EPHB1: variants seen among roughly 807,000 people sequenced by gnomAD.
EPHB1 encodes EPH receptor B1.
A neutral mutation model predicts 94.4 loss-of-function variants in EPHB1; 30 were observed. The observed-to-expected ratio is 0.32, with a 90% CI of 0.24 to 0.43. The LOEUF (loss-of-function observed/expected upper bound fraction) is 0.43. Ranked by LOEUF, EPHB1 falls within the 20% of genes least tolerant of loss-of-function variation. The pLI, the probability that EPHB1 is intolerant of heterozygous loss-of-function variation, is 1.00. For synonymous variants in EPHB1, 522 were observed against 489.1 expected (o/e 1.07, Z -0.89); for missense variants, 1,055 against 1,308.3 (o/e 0.81, Z 2.99).
intron 3 of EPHB1, among the ~76,000 whole-genome samples, chr3:134,968,920 A>G (rs566211782): frequency 1.3e-5 from 2 of 152,336 alleles, no homozygotes; most frequent in South Asian, 2.1e-4. Flanking sequence ...GTAGTATTTC[A>G]TTGTATGGAT....
chr3:134,803,175 T>C (rs967502607), intron 1 of EPHB1, among the ~76,000 whole-genome samples: 4 of 152,200 alleles, frequency 2.6e-5, no homozygotes, highest in African/African-American at 9.7e-5. Context: ...CCAGGACTCA[T>C]TTCTGCCCAC....
Position 135,087,586 on chromosome 3 carries a change from G to A in EPHB1, c.806-18862G>A, listed in dbSNP as rs536996009. Among the ~76,000 whole-genome samples, 20 of 152,284 alleles carry A rather than the reference G, an allele frequency of 1.3e-4. 1 individual carries two copies. In the South Asian group the frequency reaches 3.9e-3, roughly 30 times the overall value. On this transcript the variant is annotated intron_variant, in intron 3 of 15. Transcript: ENST00000398015. ...GCATCTGTCCCTAACATCCCATCCTGAAGTTATATGGGAAGTGGGCATAAG... is the reference window on the plus strand; with the variant it reads ...GCATCTGTCCCTAACATCCCATCCTAAAGTTATATGGGAAGTGGGCATAAG...
Position 135,106,431 on chromosome 3 carries a change from G to T in EPHB1, c.806-17G>T. Reference sequence around the variant, plus strand: ...CCACACTTCCATTAATTATCACATGGTCTCTTTGTGTTCTAGCTTGCCCTG... The same window carrying T: ...CCACACTTCCATTAATTATCACATGTTCTCTTTGTGTTCTAGCTTGCCCTG... On this transcript the variant is annotated splice_polypyrimidine_tract_variant and intron_variant, in intron 3 of 15. Transcript: ENST00000398015. 3.7e-6 allele frequency: 6 copies of T among 1,613,724 alleles called. No homozygotes were observed. The highest frequency in any genetic ancestry group is 5.1e-6 in the Non-Finnish European group (6 of 1,179,690).
At chr3:134,889,676 T>C (rs561727092) in intron 1 of EPHB1, among the ~76,000 whole-genome samples, 1 of 152,114 alleles carries the variant, frequency 6.6e-6, no homozygotes, top group Admixed American at 6.5e-5. Context: ...TGCCTATTTA[T>C]TCATTTATTT....
intron 3 of EPHB1, among the ~76,000 whole-genome samples, chr3:135,010,558 G>GTTTTTTT (rs58579496): frequency 1.8e-5 from 2 of 110,398 alleles, no homozygotes; most frequent in African/African-American, 6.6e-5. Context: ...ATTTTTTTCT[G>GTTTTTTT]TTTTTTTTTT....
At chr3:134,850,773 C>A (rs1460810402) in intron 1 of EPHB1, among the ~76,000 whole-genome samples, 1 of 152,258 alleles carries the variant, frequency 6.6e-6, no homozygotes, top group Non-Finnish European at 1.5e-5. Flanking sequence ...CCTGTCATTA[C>A]CCGCTTCACT....
intron 1 of EPHB1, among the ~76,000 whole-genome samples, chr3:134,850,574 G>T (rs1485171634): frequency 6.6e-6 from 1 of 152,256 alleles, no homozygotes; most frequent in Non-Finnish European, 1.5e-5. Flanking sequence ...GGATGGGGAA[G>T]TGTGGGGCAG....
intron 3 of EPHB1, among the ~76,000 whole-genome samples, chr3:135,000,241 A>G (rs1007080994): frequency 2.6e-5 from 4 of 152,262 alleles, no homozygotes; most frequent in Admixed American, 6.5e-5. Context: ...TCTTAATTAG[A>G]GAATTAATCA....
At chr3:135,168,082 G>T (rs1437561322) in intron 9 of EPHB1, among the ~76,000 whole-genome samples, 1 of 152,202 alleles carries the variant, frequency 6.6e-6, no homozygotes, top group Non-Finnish European at 1.5e-5. Flanking sequence ...CACCATGAAG[G>T]AGCTTGTGTT....
At chr3:134,927,948 T>C (rs1024716064) in intron 2 of EPHB1, among the ~76,000 whole-genome samples, 5 of 152,244 alleles carry the variant, frequency 3.3e-5, no homozygotes, top group African/African-American at 1.2e-4. Context: ...TCAAGGACTA[T>C]GCTTCCATCC....
intron 10 of EPHB1, among the ~76,000 whole-genome samples, chr3:135,182,449 C>T (rs1942181476): frequency 6.6e-6 from 1 of 152,140 alleles, no homozygotes; most frequent in Non-Finnish European, 1.5e-5. Flanking sequence ...CTGAATACTT[C>T]TTATATGCTG....
intron 2 of EPHB1, among the ~76,000 whole-genome samples, chr3:134,950,108 A>T (rs947607383): frequency 2.0e-5 from 3 of 152,158 alleles, no homozygotes; most frequent in African/African-American, 4.8e-5. Context: ...TTCATCTGTA[A>T]ATTGGGGATA....
At chr3:134,855,094 T>C (rs2037083570) in intron 1 of EPHB1, among the ~76,000 whole-genome samples, 1 of 152,220 alleles carries the variant, frequency 6.6e-6, no homozygotes, top group Admixed American at 6.5e-5. Context: ...CCGTGGTGTT[T>C]AGCAACTCTT....
rs1026957051 is a variant in EPHB1 at position 134,807,009 on chromosome 3, C to T, written c.58+11320C>T. 5.9e-5 allele frequency among the ~76,000 whole-genome samples: 9 copies of T among 152,256 alleles called. No individual in the cohort carries two copies. In the East Asian group the frequency reaches 7.7e-4, roughly 13 times the overall value. On this transcript the variant is annotated intron_variant, in intron 1 of 15. Coordinates refer to ENST00000398015, the MANE Select transcript of EPHB1 (RefSeq NM_004441.5). ...CAAGTGGGCTTAGGTTTGCTCTGCA[C>T]GGGAGATAGATTTTGGCTTGATTAC...
At chr3:135,130,537 G>C (rs933310363) in intron 4 of EPHB1, among the ~76,000 whole-genome samples, 3 of 152,210 alleles carry the variant, frequency 2.0e-5, no homozygotes, top group African/African-American at 7.2e-5. Flanking sequence ...TAGATGCCAG[G>C]TGATGATGTT....
At chr3:135,239,972 G>A (rs779988171) in intron 12 of EPHB1, among the ~76,000 whole-genome samples, 2 of 152,076 alleles carry the variant, frequency 1.3e-5, no homozygotes, top group African/African-American at 2.4e-5. Context: ...TGCCCCCGCC[G>A]CACAGGTAGA....
Position 134,992,538 on chromosome 3 carries a change from T to C in EPHB1, c.805+40486T>C, listed in dbSNP as rs542424497. Among the ~76,000 whole-genome samples the C allele has an allele frequency of 7.9e-5, 12 of 152,350 alleles. No homozygotes were observed. The South Asian group carries it at 2.5e-3, about 32-fold the overall frequency. On this transcript the variant is annotated intron_variant, in intron 3 of 15. Transcript: ENST00000398015. ...TGAGCATCTGCTACGTGTCAGGCCCTGTCCTAAGCATTTTGAGCACAAGTA... is the reference window on the plus strand; with the variant it reads ...TGAGCATCTGCTACGTGTCAGGCCCCGTCCTAAGCATTTTGAGCACAAGTA...
rs190882879 is a variant in EPHB1 at position 135,256,440 on chromosome 3, C to T, written c.2847-2572C>T. 3.5e-3 allele frequency among the ~76,000 whole-genome samples: 536 copies of T among 152,232 alleles called. 3 individuals are homozygous for T. Among genetic ancestry groups the T allele is most frequent in the African/African-American group, 0.012 (486 of 41,524 alleles). The stretch of plus-strand genomic sequence containing the variant: ...TGGTGACAAAATCTCTCAGCATTTG[C>T]TTGTCTGTAAAGTATTTTATTTCTC... On this transcript the variant is annotated intron_variant, in intron 15 of 15. Transcript: ENST00000398015.
At chr3:135,181,704 G>A (rs1033398911) in intron 10 of EPHB1, among the ~76,000 whole-genome samples, 3 of 151,940 alleles carry the variant, frequency 2.0e-5, no homozygotes, top group African/African-American at 7.3e-5. Context: ...CAGAGGAGGA[G>A]TAAAGAGCTT....
Sources: allele counts gnomAD v4.1 joint callset (sites outside exome capture counted in the v4.1 genomes callset), GRCh38; gene constraint gnomAD v4.1.1; transcripts MANE v1.5; gene names NCBI Gene and HGNC (gene_info 2026-07-23, HGNC 2026-07-21).